AFAP1L2: variants seen among roughly 807,000 people sequenced by gnomAD.
AFAP1L2 encodes the protein actin filament associated protein 1 like 2.
In AFAP1L2, 46 loss-of-function variants were observed where a neutral mutation model predicts 99.3. The ratio of observed to expected loss-of-function variants is 0.46; its 90% CI spans 0.37 to 0.59. The LOEUF (loss-of-function observed/expected upper bound fraction) is 0.59. Ranked by LOEUF, AFAP1L2 falls within the 20% of genes least tolerant of loss-of-function variation. The pLI is 0.00. For synonymous variants in AFAP1L2, 397 were observed against 419.1 expected (o/e 0.95, Z 0.64); for missense variants, 959 against 1,034.9 (o/e 0.93, Z 1.01).
chr10:114,299,698 G>A (rs2040807426), intron 15 of AFAP1L2, among the ~76,000 whole-genome samples: 3 of 152,222 alleles, frequency 2.0e-5, no homozygotes, highest in Non-Finnish European at 4.4e-5. Context: ...ATTAACATTT[G>A]AATCAGTGGA....
At chr10:114,394,703 C>T (rs1416405959) in intron 1 of AFAP1L2, among the ~76,000 whole-genome samples, 1 of 152,160 alleles carries the variant, frequency 6.6e-6, no homozygotes, top group Non-Finnish European at 1.5e-5. Context: ...GTCCAAGAGG[C>T]GTCCTGAAGC....
chr10:114,324,329 T>C (rs7099765), intron 4 of AFAP1L2, among the ~76,000 whole-genome samples: 92,484 of 151,226 alleles, frequency 0.61, 31,664 homozygotes, highest in East Asian at 0.92. Context: ...CTGCAACCTC[T>C]TCCTCCCAGG....
At chr10:114,286,106 A>C in the AFAP1L2 span, 2 of 1,614,142 alleles carry the variant, frequency 1.2e-6, no homozygotes, top group East Asian at 4.5e-5. Flanking sequence ...CACATACAGC[A>C]GGGAGCTGCT....
Position 114,301,340 on chromosome 10 carries a change from G to C in AFAP1L2, c.1542+14C>G. On this transcript the variant is annotated intron_variant, in intron 13 of 18. Coordinates refer to ENST00000304129, the MANE Select transcript of AFAP1L2 (RefSeq NM_001001936.3). Reference sequence around the variant, plus strand: ...CCTGGAGAGGCCCAGGCCACTGCCTGGCCGGGTCCTTACCGCAGCTGTGAG... The same window carrying C: ...CCTGGAGAGGCCCAGGCCACTGCCTCGCCGGGTCCTTACCGCAGCTGTGAG... 6.2e-7 allele frequency: 1 copy of C among 1,606,418 alleles called. No individual in the cohort carries two copies. Among genetic ancestry groups the C allele is most frequent in the South Asian group, 1.1e-5 (1 of 90,928 alleles).
chr10:114,363,128 G>C (rs1333405338), intron 1 of AFAP1L2: 1 of 985,274 alleles, frequency 1.0e-6, no homozygotes, highest in Non-Finnish European at 1.2e-6. Flanking sequence ...CATCTTGCAG[G>C]AGCAGGTTCT....
chr10:114,328,948 G>A (rs756340824), intron 4 of AFAP1L2, among the ~76,000 whole-genome samples: 33 of 152,178 alleles, frequency 2.2e-4, no homozygotes, highest in African/African-American at 3.9e-4. Flanking sequence ...CAGGGGACTC[G>A]CAGTCCACAC....
At chr10:114,331,922 T>C in intron 3 of AFAP1L2, 25 bp from the exon 4 acceptor site, 2 of 1,282,736 alleles carry the variant, frequency 1.6e-6, no homozygotes, top group Non-Finnish European at 2.0e-6. Flanking sequence ...AGGAAAAGGC[T>C]TCGGTGAGGG....
chr10:114,307,565 C>G (rs1187614374), intron 10 of AFAP1L2, among the ~76,000 whole-genome samples: 3 of 151,824 alleles, frequency 2.0e-5, no homozygotes, highest in African/African-American at 4.8e-5. Context: ...TAGGAGGACA[C>G]CAATCAGTTA....
chr10:114,397,374 A>C (rs1456563051), intron 1 of AFAP1L2, among the ~76,000 whole-genome samples: 1 of 152,220 alleles, frequency 6.6e-6, no homozygotes, highest in East Asian at 1.9e-4. Context: ...CTTGAATAGC[A>C]GTATGCTTCT....
At chr10:114,331,920 G>A in intron 3 of AFAP1L2, 23 bp from the exon 4 acceptor site, 1 of 1,283,026 alleles carries the variant, frequency 7.8e-7, no homozygotes, top group South Asian at 2.8e-5. Context: ...AAAGGAAAAG[G>A]CTTCGGTGAG....
the AFAP1L2 span, chr10:114,284,835 T>C: frequency 6.3e-7 from 1 of 1,583,010 alleles, no homozygotes; most frequent in Non-Finnish European, 8.6e-7. Context: ...CTGCGGTGCT[T>C]AGCGGTTAAT....
chr10:114,325,850 C>T (rs1300716169), intron 4 of AFAP1L2: 2 of 1,274,036 alleles, frequency 1.6e-6, no homozygotes, highest in South Asian at 2.5e-5. Context: ...ACAACAGGCT[C>T]CCTAGGGTCC....
intron 10 of AFAP1L2, among the ~76,000 whole-genome samples, chr10:114,305,808 G>A (rs2134246406): frequency 8.1e-6 from 1 of 122,980 alleles, no homozygotes; most frequent in African/African-American, 3.2e-5. Flanking sequence ...GAGGCGTCGG[G>A]GCTGCAGGAG....
downstream of AFAP1L2, among the ~76,000 whole-genome samples, chr10:114,293,508 C>T (rs1227473866): frequency 6.6e-6 from 1 of 152,128 alleles, no homozygotes; most frequent in Non-Finnish European, 1.5e-5. Flanking sequence ...TTTGTAGTGA[C>T]AGTGCCACTA....
intron 10 of AFAP1L2, among the ~76,000 whole-genome samples, chr10:114,306,466 C>T (rs534521304): frequency 6.6e-6 from 1 of 151,760 alleles, no homozygotes; most frequent in African/African-American, 2.4e-5. Flanking sequence ...CCATCAGACA[C>T]CTTCCCTGTC....
intron 5 of AFAP1L2, among the ~76,000 whole-genome samples, chr10:114,319,839 T>C (rs1201470995): frequency 1.3e-5 from 2 of 152,124 alleles, no homozygotes; most frequent in Non-Finnish European, 2.9e-5. Flanking sequence ...AAGGACATCA[T>C]TTCCTAGATC....
At chr10:114,387,345 G>A (rs2056626778) in intron 1 of AFAP1L2, among the ~76,000 whole-genome samples, 1 of 152,182 alleles carries the variant, frequency 6.6e-6, no homozygotes, top group Non-Finnish European at 1.5e-5. Context: ...TAAAAGACTA[G>A]TACGTTTTCC....
intron 1 of AFAP1L2, among the ~76,000 whole-genome samples, chr10:114,360,829 G>A (rs1158882989): frequency 6.6e-6 from 1 of 152,130 alleles, no homozygotes; most frequent in Non-Finnish European, 1.5e-5. Context: ...ATATCTTGGG[G>A]TTGAGGGTCA....
chr10:114,281,431 T>G, the AFAP1L2 span, among the ~76,000 whole-genome samples: 12 of 152,268 alleles, frequency 7.9e-5, no homozygotes, highest in African/African-American at 2.9e-4. Flanking sequence ...TTCCGGTAAT[T>G]ATGTGACCTC....
Sources: gnomAD v4.1 joint callset for allele counts (sites outside exome capture counted in the v4.1 genomes callset) on GRCh38, gnomAD v4.1.1 for gene constraint, MANE v1.5 for transcripts, NCBI Gene and HGNC (gene_info 2026-07-23, HGNC 2026-07-21) for gene names.